The following BTBD9 variants were observed in gnomAD, a reference collection of about 807,000 sequenced individuals.
BTBD9 encodes the protein BTB domain containing 9.
In BTBD9, 49 loss-of-function variants were observed where a neutral mutation model predicts 64.3. The ratio of observed to expected loss-of-function variants is 0.76; its 90% CI spans 0.61 to 0.97. The LOEUF (loss-of-function observed/expected upper bound fraction) is 0.97. BTBD9 is among the 50% of genes least tolerant of loss of function. The pLI, the probability that BTBD9 is intolerant of heterozygous loss-of-function variation, is 0.00. For synonymous variants in BTBD9, 260 were observed against 274.7 expected, an observed-to-expected ratio of 0.95 and a Z score of 0.53; for missense variants, 598 against 762.1, an observed-to-expected ratio of 0.78 and a Z score of 2.53.
At chr6:38,412,518 A>G (rs1445660234) in intron 6 of BTBD9, among the ~76,000 whole-genome samples, 1 of 151,924 alleles carries the variant, frequency 6.6e-6, no homozygotes, top group African/African-American at 2.4e-5. Context: ...ACGACTATGT[A>G]ACAGTGTACA....
chr6:38,219,891 C>A (rs1265777435), intron 9 of BTBD9, among the ~76,000 whole-genome samples: 1 of 152,120 alleles, frequency 6.6e-6, no homozygotes, highest in Non-Finnish European at 1.5e-5. Context: ...ATAATTAGAC[C>A]CTCTTTGAAG....
chr6:38,278,087 C>A (rs1461692309), intron 8 of BTBD9, among the ~76,000 whole-genome samples: 1 of 152,222 alleles, frequency 6.6e-6, no homozygotes, highest in Non-Finnish European at 1.5e-5. Flanking sequence ...ATAAACTTGG[C>A]TGGTAGGCTT....
At chr6:38,341,246 C>G (rs967287499) in intron 7 of BTBD9, among the ~76,000 whole-genome samples, 1 of 152,200 alleles carries the variant, frequency 6.6e-6, no homozygotes, top group African/African-American at 2.4e-5. Context: ...GGAACACTGA[C>G]TGCATATTTA....
At chr6:38,473,715 A>G (rs1042577290) in intron 6 of BTBD9, among the ~76,000 whole-genome samples, 2 of 152,210 alleles carry the variant, frequency 1.3e-5, no homozygotes, top group Non-Finnish European at 2.9e-5. Context: ...CCCTGCCTTC[A>G]TGGAGCTTAC....
At chr6:38,333,332 T>G (rs954587137) in intron 7 of BTBD9, among the ~76,000 whole-genome samples, 1 of 152,186 alleles carries the variant, frequency 6.6e-6, no homozygotes, top group Non-Finnish European at 1.5e-5. Context: ...AGAGTATCAG[T>G]AAAATGTGCA....
chr6:38,635,871 G>A lies in BTBD9; in HGVS notation c.-28+3929C>T, dbSNP rs1778512241. Among the ~76,000 whole-genome samples, 3 of 152,018 alleles carry A rather than the reference G, an allele frequency of 2.0e-5. No homozygotes were observed. The South Asian group carries it at 6.2e-4, about 32-fold the overall frequency. On this transcript the variant is annotated intron_variant, in intron 1 of 10. Coordinates refer to ENST00000481247, the MANE Select transcript of BTBD9 (RefSeq NM_001099272.2). ...ATTATGAAACATAAAATATGAAATA[G>A]CAGCACAAAACAAAGACAAGAACTG...
intron 7 of BTBD9, among the ~76,000 whole-genome samples, chr6:38,318,609 T>C (rs1253600392): frequency 6.6e-6 from 1 of 152,312 alleles, no homozygotes; most frequent in East Asian, 1.9e-4. Context: ...TCCCTTACTT[T>C]CTCTCAAACA....
intron 6 of BTBD9, among the ~76,000 whole-genome samples, chr6:38,522,744 G>A (rs1051186468): frequency 7.2e-5 from 11 of 152,056 alleles, no homozygotes; most frequent in African/African-American, 2.7e-4. Context: ...TACCAGTCAG[G>A]GATTTCCAAT....
chr6:38,625,395 C>T (rs1239887233), intron 1 of BTBD9, among the ~76,000 whole-genome samples: 1 of 152,176 alleles, frequency 6.6e-6, no homozygotes. Context: ...TTGCAGGTAG[C>T]TACTTGCCCA....
chr6:38,237,830 T>C (rs1763831161), intron 9 of BTBD9, among the ~76,000 whole-genome samples: 1 of 111,270 alleles, frequency 9.0e-6, no homozygotes, highest in Non-Finnish European at 1.9e-5. Context: ...CAATGGTATT[T>C]TCCAATGTTT....
rs141147619 is a variant in BTBD9 at position 38,411,304 on chromosome 6, T to C, written c.1155-66211A>G. 1.7e-3 allele frequency among the ~76,000 whole-genome samples: 256 copies of C among 152,294 alleles called. 1 individual carries two copies. Among genetic ancestry groups the C allele is most frequent in the African/African-American group, 5.9e-3 (246 of 41,570 alleles). On this transcript the variant is annotated intron_variant, in intron 6 of 10. Transcript: ENST00000481247. ...GAAGAGCAGATATTAAAACATGTTA[T>C]AAAGCCTCTATAAATAAAATAATGT...
At chr6:38,611,673 T>C (rs1162530154) in intron 1 of BTBD9, among the ~76,000 whole-genome samples, 1 of 152,170 alleles carries the variant, frequency 6.6e-6, no homozygotes, top group African/African-American at 2.4e-5. Flanking sequence ...TGAGACTCCA[T>C]GTGAGTCTCA....
At chr6:38,441,120 T>A (rs1009127258) in intron 6 of BTBD9, among the ~76,000 whole-genome samples, 7 of 152,130 alleles carry the variant, frequency 4.6e-5, no homozygotes, top group Non-Finnish European at 1.0e-4. Flanking sequence ...ACAGAAACCT[T>A]CTAAGGAGCA....
At chr6:38,267,108 C>T (rs745353574) in intron 8 of BTBD9, among the ~76,000 whole-genome samples, 1 of 152,226 alleles carries the variant, frequency 6.6e-6, no homozygotes, top group African/African-American at 2.4e-5. Flanking sequence ...GCAGAAATGC[C>T]GAGGTCCTGC....
chr6:38,378,048 C>A (rs879790355), intron 6 of BTBD9, among the ~76,000 whole-genome samples: 1 of 152,108 alleles, frequency 6.6e-6, no homozygotes, highest in Non-Finnish European at 1.5e-5. Context: ...CTTCCCCTGG[C>A]AAACAGTGTG....
intron 9 of BTBD9, among the ~76,000 whole-genome samples, chr6:38,202,093 T>TG (rs1261097580): frequency 1.8e-4 from 26 of 147,838 alleles, no homozygotes; most frequent in Non-Finnish European, 2.8e-4. Context: ...TTGTTTTTTT[T>TG]TTTTTTTTTT....
intron 6 of BTBD9, among the ~76,000 whole-genome samples, chr6:38,421,365 A>G (rs1395457263): frequency 6.6e-6 from 1 of 152,190 alleles, no homozygotes; most frequent in Non-Finnish European, 1.5e-5. Context: ...CAAAAACACA[A>G]ACAAACAAAC....
At chr6:38,410,591 A>G (rs1037903782) in intron 6 of BTBD9, among the ~76,000 whole-genome samples, 1 of 152,254 alleles carries the variant, frequency 6.6e-6, no homozygotes, top group African/African-American at 2.4e-5. Flanking sequence ...TTAAATGAAC[A>G]GCTCTAAAAT....
At chr6:38,454,048 G>A (rs1307718974) in intron 6 of BTBD9, among the ~76,000 whole-genome samples, 1 of 152,138 alleles carries the variant, frequency 6.6e-6, no homozygotes, top group Non-Finnish European at 1.5e-5. Context: ...AGATCAAAAG[G>A]TGCAGTGATT....
Sources: allele counts gnomAD v4.1 joint callset (sites outside exome capture counted in the v4.1 genomes callset), GRCh38; gene constraint gnomAD v4.1.1; transcripts MANE v1.5; gene names NCBI Gene and HGNC (gene_info 2026-07-23, HGNC 2026-07-21).